The following ACOX1 variants were observed in gnomAD, a reference collection of about 807,000 sequenced individuals.
ACOX1 encodes the protein peroxisomal acyl-coenzyme A oxidase 1.
A neutral mutation model predicts 75.5 loss-of-function variants in ACOX1; 41 were observed. The observed-to-expected ratio is 0.54, with a 90% confidence interval of 0.42 to 0.70. ACOX1 has a LOEUF of 0.70. Among genes scored for constraint, ACOX1 ranks in the 30% least tolerant of loss-of-function variants. The probability of loss-of-function intolerance (pLI) is 0.00; values close to 1 mark genes in which losing one functional copy is unlikely to be tolerated. For synonymous variants in ACOX1, 303 were observed against 298.8 expected (o/e 1.01, Z -0.15); for missense variants, 630 against 837.5 (o/e 0.75, Z 3.06).
intron 2 of ACOX1, among the ~76,000 whole-genome samples, chr17:75,972,444 A>C (rs1007692414): frequency 6.6e-6 from 1 of 151,196 alleles, no homozygotes; most frequent in Non-Finnish European, 1.5e-5. Flanking sequence ...GTCAGGAGTT[A>C]AAGACCAGCC....
At chr17:75,947,730 A>C (rs1419125225) in intron 13 of ACOX1, among the ~76,000 whole-genome samples, 4 of 143,250 alleles carry the variant, frequency 2.8e-5, no homozygotes, top group African/African-American at 1.0e-4. Context: ...TTTTTTTGAG[A>C]CAGAGTTTTG....
In ACOX1 at chr17:75,948,290, C is replaced by G; in HGVS notation, c.1896G>C (p.Leu632Phe). ...GRYDGNVYEN[L>F]FEWAKNSPLN... is the part of the protein sequence containing the mutation. The stretch of plus-strand genomic sequence containing the variant: ...GTGGGGAGTTCTTAGCCCACTCAAA[C>G]AAGTTTTCATACACATTCCCATCAT... The change falls in exon 13 of 14, where the codon TTG becomes TTC. Residue 632 changes from leucine to phenylalanine, a missense_variant. By Grantham distance (22) the Leu-to-Phe change is conservative. This residue lies in a region of ACOX1 where 240 missense variants were observed against 262.7 expected (regional missense o/e 0.91). Coordinates refer to ENST00000293217, the MANE Select transcript of ACOX1 (RefSeq NM_004035.7). The G allele has an allele frequency of 6.2e-7, 1 of 1,614,100 alleles. No homozygotes were observed.
chr17:75,960,784 C>G lies in ACOX1; in HGVS notation c.270-409G>C, dbSNP rs1358922750. Reference sequence around the variant, plus strand: ...CCTTAAGTCAGGAGTTCGAGACCAGCCTGGCCAACATGGCAAAGCCCTGAC... The same window carrying G: ...CCTTAAGTCAGGAGTTCGAGACCAGGCTGGCCAACATGGCAAAGCCCTGAC... On this transcript the variant is annotated intron_variant, in intron 2 of 13. Transcript: ENST00000293217. This position sits in a 1 kb window ranked among gnomAD's most constrained non-coding sequence, Gnocchi z 4.4. 6.6e-6 allele frequency among the ~76,000 whole-genome samples: 1 copy of G among 152,198 alleles called. No homozygotes were observed. Among genetic ancestry groups the G allele is most frequent in the Non-Finnish European group, 1.5e-5 (1 of 68,038 alleles).
At chr17:75,953,357 T>G in intron 7 of ACOX1, 94 bp downstream of exon 7, 3 of 1,451,068 alleles carry the variant, frequency 2.1e-6, no homozygotes, top group Non-Finnish European at 1.9e-6. Context: ...GCAGTGCTAA[T>G]GCATCTTCTG....
chr17:75,953,599 CG>C lies in ACOX1; in HGVS notation c.795del (p.Tyr265Ter). The C allele has an allele frequency of 6.2e-7, 1 of 1,614,130 alleles. No homozygotes were observed. Among genetic ancestry groups the C allele is most frequent in the Non-Finnish European group, 8.5e-7 (1 of 1,179,974 alleles). The part of the protein sequence containing the change: ...KYAQVKPDGT[Y>X]VKPLSNKLTY... The stretch of plus-strand genomic sequence containing the variant: ...GTCAGCTTGTTACTCAGCGGTTTCA[CG>C]TATGTGCCATCAGGCTTCACCTGGA... On this transcript the variant is annotated frameshift_variant, in exon 7 of 14. Transcript: ENST00000293217. LOFTEE classifies it high-confidence loss of function.
chr17:75,946,161 A>T lies in ACOX1; in HGVS notation c.*587T>A, dbSNP rs568383934. 6 of 162,230 alleles carry T rather than the reference A, an allele frequency of 3.7e-5. No individual in the cohort carries two copies. The highest frequency in any genetic ancestry group is 2.9e-4 in the Admixed American group (5 of 17,092). 10.0% of individuals were successfully genotyped at this position (162,230 alleles called of 1,614,324 possible). A position where few individuals can be genotyped will look rare whatever the true frequency, so the allele number is the denominator to read the frequency against. The stretch of plus-strand genomic sequence containing the variant: ...GTTCCCTCGTTGGAAAAATGCTAGC[A>T]TGAATAGTTTGATAAATGCAATCCA... On this transcript the variant is annotated 3_prime_UTR_variant, in exon 14 of 14. Transcript: ENST00000293217.
At position 75,941,572 on chromosome 17, in the gene ACOX1, G is replaced by C. The variant is rs1281677314; in HGVS notation, c.*5176C>G. On this transcript the variant is annotated 3_prime_UTR_variant, in exon 14 of 14. Transcript: ENST00000293217. ...TATTCAATGTCACAGAGGAAAGAAC[G>C]GTTTGTAGTTTTGCTTACCCGCAGT... 6.6e-6 allele frequency: 1 copy of C among 152,204 alleles called. No homozygotes were observed. Among genetic ancestry groups the C allele is most frequent in the Admixed American group, 6.5e-5 (1 of 15,268 alleles). The allele number at this position is 152,204 out of a possible 1,614,324, so 9.4% of individuals were successfully genotyped here.
At position 75,949,246 on chromosome 17, in the gene ACOX1, T is replaced by G. The variant is rs1298337291; in HGVS notation, c.1699A>C (p.Ile567Leu). Reference sequence around the variant, plus strand: ...AGGAAATCCCCCGCGTTCTGACTGATTCCATACAGAGAATACAGCAGACAT... The same window carrying G: ...AGGAAATCCCCCGCGTTCTGACTGAGTCCATACAGAGAATACAGCAGACAT... ...SLCLLYSLYG[I>L]SQNAGDFLQG... Residue 567 changes from isoleucine (I) to leucine (L), a missense_variant, in exon 12 of 14, where the codon ATC becomes CTC. This residue lies in a region of ACOX1 where 240 missense variants were observed against 262.7 expected (regional missense o/e 0.91). Coordinates refer to ENST00000293217, the MANE Select transcript of ACOX1 (RefSeq NM_004035.7). The G allele has an allele frequency of 5.0e-6, 8 of 1,614,118 alleles. No homozygotes were observed. Among genetic ancestry groups the G allele is most frequent in the Non-Finnish European group, 6.8e-6 (8 of 1,180,052 alleles).
chr17:75,978,397 ATATAACTT>A lies in ACOX1; in HGVS notation c.269+129_269+136del, dbSNP rs2066078583. The stretch of plus-strand genomic sequence containing the variant: ...CGTGAGCCACCGCGCCCGGCCACAC[ATATAACTT>A]TATAAAGTTGCATGAAAATATGCCA... On this transcript the variant is annotated intron_variant, in intron 2 of 13. Coordinates refer to ENST00000293217, the MANE Select transcript of ACOX1 (RefSeq NM_004035.7). This position sits in a 1 kb window ranked among gnomAD's most constrained non-coding sequence, Gnocchi z 4.2. 7.8e-5 allele frequency: 98 copies of A among 1,261,266 alleles called. No homozygotes were observed. In the South Asian group the frequency reaches 1.1e-3, roughly 15 times the overall value. 78.1% of individuals were successfully genotyped at this position (1,261,266 alleles called of 1,614,324 possible).
At chr17:75,976,837 TA>T (rs2066054626) in intron 2 of ACOX1, among the ~76,000 whole-genome samples, 1 of 152,098 alleles carries the variant, frequency 6.6e-6, no homozygotes, top group Non-Finnish European at 1.5e-5. Context: ...TCATACGATT[TA>T]GTCTTTACCG....
chr17:75,970,484 G>A (rs1171591881), intron 2 of ACOX1, among the ~76,000 whole-genome samples: 2 of 152,154 alleles, frequency 1.3e-5, no homozygotes, highest in African/African-American at 4.8e-5. Flanking sequence ...GTATATCCGA[G>A]TTTCTTCGTG....
intron 3 of ACOX1, among the ~76,000 whole-genome samples, chr17:75,958,092 T>C (rs565849239): frequency 9.2e-5 from 14 of 152,086 alleles, no homozygotes; most frequent in African/African-American, 2.7e-4. Flanking sequence ...TGGTGGCTCA[T>C]GCCTGTAATC....
At chr17:75,958,142 CAGG>C (rs1405680388) in intron 3 of ACOX1, among the ~76,000 whole-genome samples, 2 of 151,588 alleles carry the variant, frequency 1.3e-5, no homozygotes, top group African/African-American at 2.4e-5. Context: ...ATCACGAGGT[CAGG>C]AGATCGAGTC....
Position 75,948,862 on chromosome 17 carries a change from C to CT in ACOX1, c.1728+354dup, listed in dbSNP as rs34512190. On this transcript the variant is annotated intron_variant, in intron 12 of 13. Coordinates refer to ENST00000293217, the MANE Select transcript of ACOX1 (RefSeq NM_004035.7). ...ACTGTGCCTGGCTATTTTTCTTTTTCTTTTTTTTTTTTTTTGAGACAGAGT... is the reference window on the plus strand; with the variant it reads ...ACTGTGCCTGGCTATTTTTCTTTTTCTTTTTTTTTTTTTTTTGAGACAGAGT... Among the ~76,000 whole-genome samples the CT allele has an allele frequency of 9.8e-3, 1,222 of 125,238 alleles. 7 individuals carry two copies. Among genetic ancestry groups the CT allele is most frequent in the African/African-American group, 0.02 (655 of 32,862 alleles). The allele number at this position is 125,238 out of a possible 152,430, so 82.2% of individuals were successfully genotyped here. A position where few individuals can be genotyped will look rare whatever the true frequency, so the allele number is the denominator to read the frequency against.
intron 2 of ACOX1, among the ~76,000 whole-genome samples, chr17:75,976,326 G>A (rs2066050308): frequency 6.6e-6 from 1 of 152,058 alleles, no homozygotes; most frequent in South Asian, 2.1e-4. Context: ...GACCTCACTC[G>A]AGTCTGGTTC....
chr17:75,960,879 G>C lies in ACOX1; in HGVS notation c.270-504C>G, dbSNP rs1032544465. Among the ~76,000 whole-genome samples, 9 of 152,158 alleles carry C rather than the reference G, an allele frequency of 5.9e-5. No homozygotes were observed. The highest frequency in any genetic ancestry group is 2.2e-4 in the African/African-American group (9 of 41,446). ...AGTAGTCCCAGCTATTTGGGAGCCT[G>C]AGGCAGGAAAATCGCTTGAACCTAG... On this transcript the variant is annotated intron_variant, in intron 2 of 13. Transcript: ENST00000293217. The surrounding 1 kb of genome is among the most constrained non-coding windows in gnomAD (Gnocchi z 4.4).
rs2065722873 is a variant in ACOX1 at position 75,946,675 on chromosome 17, G to A, written c.*73C>T. 1.4e-5 allele frequency: 20 copies of A among 1,391,996 alleles called. No individual in the cohort carries two copies. Among genetic ancestry groups the A allele is most frequent in the Non-Finnish European group, 1.9e-5 (19 of 982,448 alleles). 86.2% of individuals were successfully genotyped at this position (1,391,996 alleles called of 1,614,324 possible). On this transcript the variant is annotated 3_prime_UTR_variant, in exon 14 of 14. Coordinates refer to ENST00000293217, the MANE Select transcript of ACOX1 (RefSeq NM_004035.7). The stretch of plus-strand genomic sequence containing the variant: ...ATTTGCTCTATAGCTATTTGAATTC[G>A]AAAAAGATTCCACAAAATTTGAGTT...
chr17:75,975,593 G>C (rs1768376591), intron 2 of ACOX1, among the ~76,000 whole-genome samples: 1 of 152,134 alleles, frequency 6.6e-6, no homozygotes, highest in Admixed American at 6.5e-5. Flanking sequence ...TCCACCAGAG[G>C]GAACGACTTC....
rs549348405 is a variant in ACOX1, at chr17:75,947,311, G to C, written c.1936-516C>G. ...TGCCCAGGCTGGAGTGCAATGGCAT[G>C]GTCTCGGCTCACCGCAACCTCCGCC... is the stretch of plus-strand genomic sequence containing the variant. On this transcript the variant is annotated intron_variant, in intron 13 of 13. Transcript: ENST00000293217. Among the ~76,000 whole-genome samples, 4 of 148,770 alleles carry C rather than the reference G, an allele frequency of 2.7e-5. No individual in the cohort carries two copies. In the South Asian group the frequency reaches 8.5e-4, roughly 31 times the overall value.
Sources: allele counts gnomAD v4.1 joint callset (sites outside exome capture counted in the v4.1 genomes callset), GRCh38; gene constraint gnomAD v4.1.1; regional missense constraint gnomAD v4.1.1; non-coding constraint Gnocchi (gnomAD v3.1); transcripts MANE v1.5; gene names NCBI Gene and HGNC (gene_info 2026-07-23, HGNC 2026-07-21).